The following PLA2R1 variants were observed in gnomAD, a reference collection of about 807,000 sequenced individuals.
PLA2R1 encodes phospholipase A2 receptor 1.
A neutral mutation model predicts 195.9 loss-of-function variants in PLA2R1; 158 were observed. The observed-to-expected ratio is 0.81, with a 90% CI of 0.71 to 0.92. The LOEUF (loss-of-function observed/expected upper bound fraction) is 0.92. Ranked by LOEUF, PLA2R1 falls within the 40% of genes least tolerant of loss-of-function variation. PLA2R1 has a pLI of 0.00. For missense variants in PLA2R1, 1,626 were observed against 1,764.6 expected (o/e 0.92, Z 1.41); for synonymous variants, 586 against 598.2 (o/e 0.98, Z 0.30).
rs543495690 is a variant in PLA2R1, at chr2:159,989,462, G to T, written c.1835-2104C>A. 2.0e-5 allele frequency among the ~76,000 whole-genome samples: 3 copies of T among 152,288 alleles called. No homozygotes were observed. In the South Asian group the frequency reaches 6.2e-4, roughly 32 times the overall value. ...CCCCGTCCTTTGAGGGGCCCCAGTGGAAACTCCAGTTACTGCACAGCACAG... is the reference window on the plus strand; with the variant it reads ...CCCCGTCCTTTGAGGGGCCCCAGTGTAAACTCCAGTTACTGCACAGCACAG... On this transcript the variant is annotated intron_variant, in intron 11 of 29. Transcript: ENST00000283243.
chr2:160,008,531 A>G (rs553656634), intron 10 of PLA2R1, among the ~76,000 whole-genome samples: 1 of 152,328 alleles, frequency 6.6e-6, no homozygotes, highest in South Asian at 2.1e-4. Context: ...ACCTTATACT[A>G]TGCACAAAAA....
rs1693660826 is a variant in PLA2R1, at chr2:160,028,504, C to T, written c.956-143G>A. The stretch of plus-strand genomic sequence containing the variant: ...CTATAAGATGTTATCTATGATTTTG[C>T]AGTTACAGTCCAGGCATGTCAATTA... On this transcript the variant is annotated intron_variant, in intron 5 of 29. Transcript: ENST00000283243. 5 of 670,922 alleles carry T rather than the reference C, an allele frequency of 7.5e-6. No homozygotes were observed. In the East Asian group the frequency reaches 1.4e-4, roughly 19 times the overall value. The allele number at this position is 670,922 out of a possible 1,614,324, so 41.6% of individuals were successfully genotyped here. A position where few individuals can be genotyped will look rare whatever the true frequency, so the allele number is the denominator to read the frequency against.
At chr2:159,987,408 GTGCTCAGAAGAC>G in intron 11 of PLA2R1, 50 bp from the exon 12 acceptor site, 1 of 1,313,436 alleles carries the variant, frequency 7.6e-7, no homozygotes, top group African/African-American at 1.5e-5. Context: ...AAAACGTTTT[GTGCTCAGAAGAC>G]TGCTCTTTAG....
intron 7 of PLA2R1, 98 bp from the exon 8 acceptor site, chr2:160,020,361 T>C (rs1558942433): frequency 4.1e-6 from 3 of 724,204 alleles, no homozygotes; most frequent in Non-Finnish European, 6.9e-6. Flanking sequence ...TCACATGTGA[T>C]TTCTTCTTTA....
intron 28 of PLA2R1, among the ~76,000 whole-genome samples, chr2:159,942,973 C>CTTTT (rs5835779): frequency 7.2e-6 from 1 of 139,406 alleles, no homozygotes; most frequent in Non-Finnish European, 1.6e-5. Flanking sequence ...CAGACTTGTT[C>CTTTT]TTTTTTTTTT....
the PLA2R1 span, among the ~76,000 whole-genome samples, chr2:159,926,564 T>TG: frequency 3.0e-4 from 46 of 152,198 alleles, no homozygotes; most frequent in Admixed American, 1.1e-3. Context: ...AATGGAAAGT[T>TG]GGGGGAAAAA....
intron 2 of PLA2R1, among the ~76,000 whole-genome samples, chr2:160,043,603 G>A (rs1460046347): frequency 6.6e-6 from 1 of 152,158 alleles, no homozygotes; most frequent in Non-Finnish European, 1.5e-5. Context: ...TTCAGGACAT[G>A]CCCTTTTCTT....
Position 159,976,728 on chromosome 2 carries a change from G to T in PLA2R1, c.2402-8C>A. 2 of 1,608,126 alleles carry T rather than the reference G, an allele frequency of 1.2e-6. No individual in the cohort carries two copies. Among genetic ancestry groups the T allele is most frequent in the Non-Finnish European group, 1.7e-6 (2 of 1,174,862 alleles). ...GAATCTTGGGTTTCACATCTGCAAA[G>T]TGAAAGCAAATCACTTTGACTGATC... On this transcript the variant is annotated splice_polypyrimidine_tract_variant and splice_region_variant and intron_variant, in intron 15 of 29. Coordinates refer to ENST00000283243, the MANE Select transcript of PLA2R1 (RefSeq NM_007366.5).
In PLA2R1 at chr2:160,061,815, A is replaced by C. The variant is rs139729645; in HGVS notation, c.109+480T>G. Among the ~76,000 whole-genome samples, 462 of 152,216 alleles carry C rather than the reference A, an allele frequency of 3.0e-3. 2 individuals carry two copies. In the Middle Eastern group the frequency reaches 0.054, roughly 18 times the overall value. On this transcript the variant is annotated intron_variant, in intron 1 of 29. Transcript: ENST00000283243. ...AAAAAAAGTTTTCCTTAAGGAAGGG[A>C]TGGACTGGGGAGGCCTGGCTTGGGG...
At chr2:159,956,706 A>G in intron 20 of PLA2R1, 79 bp from the exon 21 acceptor site, 1 of 825,552 alleles carries the variant, frequency 1.2e-6, no homozygotes, top group Non-Finnish European at 2.0e-6. Flanking sequence ...GACACTGAAT[A>G]TCAGCTTTGA....
intron 11 of PLA2R1, among the ~76,000 whole-genome samples, chr2:160,003,519 C>G (rs918231666): frequency 1.3e-5 from 2 of 150,616 alleles, no homozygotes; most frequent in African/African-American, 2.4e-5. Flanking sequence ...AAAAACAAAA[C>G]AAAATGTATA....
intron 20 of PLA2R1, among the ~76,000 whole-genome samples, chr2:159,961,116 T>C (rs905279802): frequency 6.6e-6 from 1 of 152,152 alleles, no homozygotes; most frequent in Non-Finnish European, 1.5e-5. Flanking sequence ...TCAAAAATAT[T>C]TCCCTTTTAA....
In PLA2R1 at chr2:160,045,105, T is replaced by G; in HGVS notation, c.162A>C (p.Ala54=). 6.2e-7 allele frequency: 1 copy of G among 1,611,848 alleles called. No homozygotes were observed. The highest frequency in any genetic ancestry group is 8.5e-7 in the Non-Finnish European group (1 of 1,178,092). The change falls in exon 2 of 30, where the codon GCA becomes GCC. Residue 54 remains alanine (A), a synonymous_variant. Transcript: ENST00000283243. Reference sequence around the variant, plus strand: ...TCTCCAGGGTCAGAACCGATTTACCTGCTTGAATGCATTTCTTGAGACTCT... The same window carrying G: ...TCTCCAGGGTCAGAACCGATTTACCGGCTTGAATGCATTTCTTGAGACTCT... ...QSESLKKCIQ[A]GKSVLTLENC... is the part of the protein sequence containing the mutation.
chr2:159,977,896 C>T (rs1689685175), intron 14 of PLA2R1, among the ~76,000 whole-genome samples: 1 of 151,980 alleles, frequency 6.6e-6, no homozygotes, highest in Admixed American at 6.6e-5. Flanking sequence ...CACCACTGCA[C>T]TCCAGCCTGG....
At chr2:160,022,534 T>G (rs1693206694) in intron 7 of PLA2R1, 131 bp downstream of exon 7, 1 of 470,436 alleles carries the variant, frequency 2.1e-6, no homozygotes, top group Admixed American at 3.8e-5. Flanking sequence ...TGAATAACAT[T>G]TAGAAACTTT....
intron 3 of PLA2R1, 63 bp downstream of exon 3, chr2:160,041,962 G>A (rs941954499): frequency 7.6e-7 from 1 of 1,310,864 alleles, no homozygotes; most frequent in Non-Finnish European, 1.1e-6. Flanking sequence ...TTTAGATACA[G>A]ATAACTTTCT....
chr2:159,944,703 TTATAATGATTTTTTTTCTCATA>T (rs1358829055), intron 28 of PLA2R1, among the ~76,000 whole-genome samples, 181 bp downstream of exon 28: 5 of 152,238 alleles, frequency 3.3e-5, no homozygotes, highest in African/African-American at 1.2e-4. Flanking sequence ...TTGAGTTGAC[TTATAATGATTTTTTTTCTCATA>T]TCAGAGAAAG....
In PLA2R1 at chr2:159,974,106, T is replaced by C. The variant is rs551310323; in HGVS notation, c.2595+1962A>G. Reference sequence around the variant, plus strand: ...GCAGAGCTAAGCTCTGTTGGAAAGATCAAAGAAGCCCTTCATTGTTCATGT... The same window carrying C: ...GCAGAGCTAAGCTCTGTTGGAAAGACCAAAGAAGCCCTTCATTGTTCATGT... On this transcript the variant is annotated intron_variant, in intron 17 of 29. Transcript: ENST00000283243. Among the ~76,000 whole-genome samples the C allele has an allele frequency of 2.9e-4, 44 of 152,284 alleles. No homozygotes were observed. The South Asian group carries it at 8.9e-3, about 31-fold the overall frequency.
At chr2:160,041,195 T>G (rs1222446693) in intron 3 of PLA2R1, among the ~76,000 whole-genome samples, 3 of 152,230 alleles carry the variant, frequency 2.0e-5, no homozygotes, top group Admixed American at 6.5e-5. Context: ...TGCTTTTGCT[T>G]CAAATTTATT....
Sources: gnomAD v4.1 joint callset for allele counts (sites outside exome capture counted in the v4.1 genomes callset) on GRCh38, gnomAD v4.1.1 for gene constraint, MANE v1.5 for transcripts, NCBI Gene and HGNC (gene_info 2026-07-23, HGNC 2026-07-21) for gene names.